The following PDZD4 variants were observed in gnomAD, a reference collection of about 807,000 sequenced individuals.
PDZD4 encodes the protein PDZ domain-containing protein 4.
A neutral mutation model predicts 38.5 loss-of-function variants in PDZD4; 9 were observed. The observed-to-expected ratio is 0.23, with a 90% CI of 0.14 to 0.41. The LOEUF is 0.41. Ranked by LOEUF, PDZD4 falls within the 10% of genes least tolerant of loss-of-function variation. The pLI, the probability that PDZD4 is intolerant of heterozygous loss-of-function variation, is 1.00. For synonymous variants in PDZD4, 349 were observed against 315.7 expected, an observed-to-expected ratio of 1.11 and a Z score of -1.12; for missense variants, 612 against 722.0, an observed-to-expected ratio of 0.85 and a Z score of 1.75.
Position 153,830,383 on chromosome X carries a change from C to CGGGGCCA in PDZD4, c.-92_-86dup. On this transcript the variant is annotated 5_prime_UTR_variant, in exon 1 of 8. An upstream open reading frame in the 5' UTR loses its in-frame stop. Coordinates refer to ENST00000393758, the MANE Select transcript of PDZD4 (RefSeq NM_001303512.2). ...GGGCGCGGGACCTCGGGTCCCGGGC[C>CGGGGCCA]GGGGCCAGGGGCCATACCCTGGCGC... The CGGGGCCA allele has an allele frequency of 2.2e-6, 2 of 892,023 alleles. No individual in the cohort carries two copies. Among genetic ancestry groups the CGGGGCCA allele is most frequent in the Non-Finnish European group, 3.2e-6 (2 of 630,618 alleles). The allele number at this position is 892,023 out of a possible 1,213,427, so 73.5% of individuals were successfully genotyped here. A position where few individuals can be genotyped will look rare whatever the true frequency, so the allele number is the denominator to read the frequency against.
At chrX:153,820,700 C>T (rs782275953) in intron 1 of PDZD4, among the ~76,000 whole-genome samples, 1 of 111,845 alleles carries the variant, frequency 8.9e-6, no homozygotes, top group South Asian at 3.7e-4. Flanking sequence ...GCGCCAGAGT[C>T]TGAATTTGCC....
Position 153,804,141 on chromosome X carries a change from C to A in PDZD4, c.1540G>T (p.Gly514Cys), listed in dbSNP as rs782727328. 1.0e-5 allele frequency: 12 copies of A among 1,151,312 alleles called. No homozygotes were observed. Among genetic ancestry groups the A allele is most frequent in the Non-Finnish European group, 5.8e-6 (5 of 867,707 alleles). The allele number at this position is 1,151,312 out of a possible 1,213,427, so 94.9% of individuals were successfully genotyped here. ...GNSNLNRTPP[G>C]PAVATPAKAA... ...TTGGCGGGGGTGGCAACAGCGGGGC[C>A]GGGAGGGGTCCGGTTCAAGTTGGAG... Residue 514 changes from glycine to cysteine, a missense_variant, in exon 8 of 8, where the codon GGC (glycine) becomes TGC (cysteine). By Grantham distance (159) the Gly-to-Cys change is radical (BLOSUM62 -3). Around this residue, in one of 3 missense-constraint regions of PDZD4, gnomAD observed 300 missense variants for 284.6 expected, o/e 1.05. Coordinates refer to ENST00000393758, the MANE Select transcript of PDZD4 (RefSeq NM_001303512.2).
At chrX:153,816,100 G>A (rs1337699858) in intron 1 of PDZD4, among the ~76,000 whole-genome samples, 1 of 99,130 alleles carries the variant, frequency 1.0e-5, no homozygotes, top group Non-Finnish European at 2.0e-5. Context: ...GCAGCCCAAG[G>A]CAGGGTGCCC....
chrX:153,829,945 T>C (rs1319856985), intron 1 of PDZD4: 4 of 809,901 alleles, frequency 4.9e-6, no homozygotes, highest in Non-Finnish European at 6.1e-6. Context: ...GGGGAGAGCG[T>C]GTGCGGGGAA....
rs782194435 is a variant in PDZD4 at position 153,804,591 on chromosome X, G to A, written c.1090C>T (p.Arg364Cys). 7.4e-6 allele frequency: 9 copies of A among 1,209,705 alleles called. No homozygotes were observed. Among genetic ancestry groups the A allele is most frequent in the East Asian group, 3.0e-5 (1 of 33,837 alleles). ...GLTDEEYERYRELLEIKCHLE... is the reference protein window; with the variant it reads ...GLTDEEYERYCELLEIKCHLE... Reference sequence around the variant, plus strand: ...TGGCACTTGATCTCCAGGAGCTCACGGTAGCGCTCATACTCCTCATCCGTG... The same window carrying A: ...TGGCACTTGATCTCCAGGAGCTCACAGTAGCGCTCATACTCCTCATCCGTG... The change falls in exon 8 of 8, where the codon CGT becomes TGT. Residue 364 changes from arginine (R) to cysteine (C), a missense_variant. This residue lies in a region of PDZD4 where 300 missense variants were observed against 284.6 expected (regional missense o/e 1.05). Coordinates refer to ENST00000393758, the MANE Select transcript of PDZD4 (RefSeq NM_001303512.2).
At chrX:153,818,719 G>A (rs1390236749) in intron 1 of PDZD4, among the ~76,000 whole-genome samples, 1 of 111,354 alleles carries the variant, frequency 9.0e-6, no homozygotes, top group African/African-American at 3.3e-5. Flanking sequence ...GGGGAAGCTC[G>A]ACCTGCATCG....
chrX:153,808,110 C>T lies in PDZD4; in HGVS notation c.314+232G>A, dbSNP rs1189611941. On this transcript the variant is annotated intron_variant, in intron 2 of 7. Transcript: ENST00000393758. ...TCAACCCTGGCACTTCCGGCAGCGA[C>T]GTCCCGGACAGGAGGGTCCTCCCTC... 1.5e-5 allele frequency: 16 copies of T among 1,067,818 alleles called. No individual in the cohort carries two copies. The African/African-American group carries it at 2.4e-4, about 16-fold the overall frequency. The allele number at this position is 1,067,818 out of a possible 1,213,427, so 88.0% of individuals were successfully genotyped here.
At chrX:153,805,298 C>T (rs1557076535) in intron 6 of PDZD4, 91 bp from the exon 7 acceptor site, 4 of 886,280 alleles carry the variant, frequency 4.5e-6, no homozygotes, top group East Asian at 3.2e-5. Context: ...TGGCTTGTTT[C>T]GGTGAAGCTC....
chrX:153,816,352 G>A (rs2064362066), intron 1 of PDZD4, among the ~76,000 whole-genome samples: 1 of 109,572 alleles, frequency 9.1e-6, no homozygotes, highest in South Asian at 4.1e-4. Flanking sequence ...AGGCAGGGGA[G>A]GGGCCCTGGC....
chrX:153,804,945 G>T, intron 7 of PDZD4, 45 bp from the exon 8 acceptor site: 1 of 1,135,729 alleles, frequency 8.8e-7, no homozygotes. Context: ...CCCACGGACA[G>T]GGATGTCACG....
intron 1 of PDZD4, among the ~76,000 whole-genome samples, chrX:153,815,126 C>G (rs1557079639): frequency 8.8e-6 from 1 of 113,121 alleles, no homozygotes; most frequent in Non-Finnish European, 1.9e-5. Flanking sequence ...CTTCAGCACA[C>G]AGATCTACTT....
At position 153,804,430 on chromosome X, in the gene PDZD4, G is replaced by C. The variant is rs781881600; in HGVS notation, c.1251C>G (p.Phe417Leu). 4 of 1,210,030 alleles carry C rather than the reference G, an allele frequency of 3.3e-6. No individual in the cohort carries two copies. In the African/African-American group the frequency reaches 5.2e-5, roughly 16 times the overall value. The stretch of plus-strand genomic sequence containing the variant: ...GCGCCCGCAGTATGTTGCGGCACTT[G>C]AATTCCAGGTGCCTTAGCTCCTCCT... ...MLEEELRHLE[F>L]KCRNILRAQK... Residue 417 changes from phenylalanine to leucine, a missense_variant, in exon 8 of 8, where the codon TTC (phenylalanine) becomes TTG (leucine). By Grantham distance (22) the Phe-to-Leu change is conservative. This residue lies in a region of PDZD4 where 300 missense variants were observed against 284.6 expected (regional missense o/e 1.05). Coordinates refer to ENST00000393758, the MANE Select transcript of PDZD4 (RefSeq NM_001303512.2).
In PDZD4 at chrX:153,812,632, C is replaced by T. The variant is rs527913852; in HGVS notation, c.61-4037G>A. On this transcript the variant is annotated intron_variant, in intron 1 of 7. Transcript: ENST00000393758. ...CGCTCTCTCTCTCTCTCCTCCTCAT[C>T]GGTCATGCTGGACCCCCAAGGAAGA... 8.0e-4 allele frequency among the ~76,000 whole-genome samples: 89 copies of T among 111,057 alleles called. No individual in the cohort carries two copies. In the Middle Eastern group the frequency reaches 0.014, roughly 17 times the overall value.
intron 6 of PDZD4, 93 bp downstream of exon 6, chrX:153,805,412 C>G: frequency 2.7e-6 from 1 of 365,648 alleles, no homozygotes; most frequent in Non-Finnish European, 4.9e-6. Context: ...AACTCCAGGT[C>G]GTTGGCACAT....
At chrX:153,808,080 G>T in intron 2 of PDZD4, 1 of 1,065,260 alleles carries the variant, frequency 9.4e-7, no homozygotes, top group Non-Finnish European at 1.2e-6. Flanking sequence ...GAGGAGCTGA[G>T]GCCCTCAACC....
At chrX:153,808,815 TCACCAAGTCA>T (rs2064281286) in intron 1 of PDZD4, among the ~76,000 whole-genome samples, 1 of 112,937 alleles carries the variant, frequency 8.9e-6, no homozygotes, top group African/African-American at 3.2e-5. Flanking sequence ...CAGCTGGGGA[TCACCAAGTCA>T]CACCAAGGAC....
At chrX:153,806,172 A>G (rs2064247532) in intron 4 of PDZD4, 39 bp from the exon 5 acceptor site, 1 of 1,195,220 alleles carries the variant, frequency 8.4e-7, no homozygotes, top group Non-Finnish European at 1.1e-6. Flanking sequence ...GGTGCCTAAC[A>G]TGCCCTTTCG....
chrX:153,809,945 G>A (rs1205119646), intron 1 of PDZD4, among the ~76,000 whole-genome samples: 1 of 112,903 alleles, frequency 8.9e-6, no homozygotes, highest in East Asian at 2.8e-4. Flanking sequence ...CGCAGGTGGT[G>A]GGGCAAGCAG....
chrX:153,830,160 C>T, intron 1 of PDZD4, 79 bp downstream of exon 1: 1 of 969,607 alleles, frequency 1.0e-6, no homozygotes, highest in Non-Finnish European at 1.4e-6. Context: ...CTCTCCCACG[C>T]CCGCCGCTCC....
Sources: gnomAD v4.1 joint callset for allele counts (sites outside exome capture counted in the v4.1 genomes callset) on GRCh38, gnomAD v4.1.1 for gene constraint, gnomAD v4.1.1 regional missense constraint, MANE v1.5 for transcripts, NCBI Gene and HGNC (gene_info 2026-07-23, HGNC 2026-07-21) for gene names.